Variants in PPIG observed in about 807,000 individuals in gnomAD.
The protein encoded by PPIG is peptidylprolyl isomerase G, also known as peptidyl-prolyl cis-trans isomerase G.
Under a neutral mutation model 87.9 loss-of-function variants are expected in PPIG, and 26 were observed. The observed-to-expected ratio is 0.30, with a 90% confidence interval of 0.22 to 0.41. The LOEUF (loss-of-function observed/expected upper bound fraction) is 0.41, where lower values mean the gene tolerates loss of function less well. PPIG is among the 10% of genes least tolerant of loss of function. The probability of loss-of-function intolerance (pLI) is 1.00; values close to 1 mark genes in which losing one functional copy is unlikely to be tolerated. For missense variants in PPIG, 722 were observed against 879.4 expected (o/e 0.82, Z 2.26); for synonymous variants, 308 against 276.5 (o/e 1.11, Z -1.13).
At position 169,637,371 on chromosome 2, in the gene PPIG, A is replaced by G. The variant is rs1686210267; in HGVS notation, c.2113A>G (p.Met705Val). 6.2e-7 allele frequency: 1 copy of G among 1,612,142 alleles called. No individual in the cohort carries two copies. Among genetic ancestry groups the G allele is most frequent in the Admixed American group, 1.7e-5 (1 of 59,812 alleles). Residue 705 changes from methionine to valine, a missense_variant, in exon 14 of 14, where the codon ATG (methionine) becomes GTG (valine). Coordinates refer to ENST00000260970, the MANE Select transcript of PPIG (RefSeq NM_004792.3). Reference sequence around the variant, plus strand: ...TCAGGACAATGAATTAAAGTCCTCCATGTTGAAAAATAAGGAGGATGAGAA... The same window carrying G: ...TCAGGACAATGAATTAAAGTCCTCCGTGTTGAAAAATAAGGAGGATGAGAA... Reference protein sequence around the residue: ...SSQDNELKSSMLKNKEDEKIR... With the variant: ...SSQDNELKSSVLKNKEDEKIR...
intron 1 of PPIG, chr2:169,584,762 C>G: frequency 3.2e-6 from 1 of 311,372 alleles, no homozygotes; most frequent in Non-Finnish European, 6.2e-6. Context: ...CCGCCCTCCC[C>G]ACTCAGGCGC....
chr2:169,616,341 A>G (rs748595243), intron 9 of PPIG, among the ~76,000 whole-genome samples: 4 of 152,184 alleles, frequency 2.6e-5, no homozygotes, highest in African/African-American at 4.8e-5. Context: ...AGAATGATTT[A>G]TAATCTTTTG....
chr2:169,592,952 A>G (rs981370689), intron 1 of PPIG, among the ~76,000 whole-genome samples: 3 of 152,078 alleles, frequency 2.0e-5, no homozygotes, highest in Non-Finnish European at 4.4e-5. Context: ...TTGTGTAGTA[A>G]TTTTAATAGT....
chr2:169,605,894 G>T, intron 4 of PPIG, 145 bp from the exon 5 acceptor site: 4 of 615,770 alleles, frequency 6.5e-6, no homozygotes, highest in South Asian at 2.1e-5. Context: ...TTTTTTAAAT[G>T]AATTTTTAAA....
intron 5 of PPIG, among the ~76,000 whole-genome samples, chr2:169,606,435 T>C (rs1190304697): frequency 6.6e-6 from 1 of 151,554 alleles, no homozygotes; most frequent in Non-Finnish European, 1.5e-5. Context: ...CTACTAAAAA[T>C]AGAAAAATTT....
intron 9 of PPIG, among the ~76,000 whole-genome samples, chr2:169,628,850 A>G (rs1158842114): frequency 1.3e-5 from 2 of 150,998 alleles, no homozygotes; most frequent in African/African-American, 4.9e-5. Context: ...GGAGGCCGAG[A>G]CAGAAGTATC....
intron 13 of PPIG, 42 bp downstream of exon 13, chr2:169,636,270 T>C: frequency 6.4e-7 from 1 of 1,551,076 alleles, no homozygotes; most frequent in Non-Finnish European, 8.7e-7. Flanking sequence ...ATGATAAGTG[T>C]TTGCTTTTAC....
chr2:169,591,489 T>C (rs1684861572), intron 1 of PPIG, among the ~76,000 whole-genome samples: 1 of 152,108 alleles, frequency 6.6e-6, no homozygotes, highest in South Asian at 2.1e-4. Flanking sequence ...GTTTTAGAAT[T>C]TTGTGCATTT....
intron 7 of PPIG, among the ~76,000 whole-genome samples, chr2:169,611,566 C>T (rs1685488443): frequency 6.6e-6 from 1 of 152,132 alleles, no homozygotes; most frequent in Non-Finnish European, 1.5e-5. Flanking sequence ...ACTATTTACA[C>T]ATTTTTAAGC....
At chr2:169,603,397 A>G (rs1018836285) in intron 1 of PPIG, among the ~76,000 whole-genome samples, 3 of 152,160 alleles carry the variant, frequency 2.0e-5, no homozygotes, top group African/African-American at 7.2e-5. Flanking sequence ...CTATACCAGC[A>G]TATCAGTAAA....
At chr2:169,620,368 GT>G (rs911731743) in intron 9 of PPIG, among the ~76,000 whole-genome samples, 8 of 151,508 alleles carry the variant, frequency 5.3e-5, no homozygotes, top group Non-Finnish European at 1.0e-4. Context: ...TGGCAATTTT[GT>G]TTTTTTAACT....
rs574487908 is a variant in PPIG at position 169,620,978 on chromosome 2, A to T, written c.547+6254A>T. On this transcript the variant is annotated intron_variant, in intron 9 of 13. Transcript: ENST00000260970. ...TCATCTGTAATGCTTTCTGATTCTCACAGTAACTCTATAGTATTACATATC... is the reference window on the plus strand; with the variant it reads ...TCATCTGTAATGCTTTCTGATTCTCTCAGTAACTCTATAGTATTACATATC... 4.6e-5 allele frequency among the ~76,000 whole-genome samples: 7 copies of T among 152,266 alleles called. No individual in the cohort carries two copies. The South Asian group carries it at 1.2e-3, about 27-fold the overall frequency.
chr2:169,603,471 GTAAATC>G, intron 1 of PPIG, among the ~76,000 whole-genome samples, 165 bp from the exon 2 acceptor site: 5 of 150,990 alleles, frequency 3.3e-5, no homozygotes, highest in African/African-American at 1.2e-4. Flanking sequence ...TACTCAAAAT[GTAAATC>G]TACCACATAT....
At chr2:169,632,110 T>G (rs1034025956) in intron 11 of PPIG, among the ~76,000 whole-genome samples, 177 bp downstream of exon 11, 1 of 152,208 alleles carries the variant, frequency 6.6e-6, no homozygotes, top group African/African-American at 2.4e-5. Context: ...AAAGGGAAAT[T>G]GACTTAAATT....
intron 1 of PPIG, among the ~76,000 whole-genome samples, chr2:169,596,456 C>A (rs1303701263): frequency 6.6e-6 from 1 of 152,100 alleles, no homozygotes; most frequent in Non-Finnish European, 1.5e-5. Flanking sequence ...GAAACTTTGG[C>A]CTTAGGGAAA....
chr2:169,633,985 T>C (rs964496886), intron 12 of PPIG, among the ~76,000 whole-genome samples: 6 of 151,860 alleles, frequency 4.0e-5, no homozygotes, highest in South Asian at 2.1e-4. Context: ...CATGCCACCA[T>C]GCCCGGCTAA....
intron 1 of PPIG, among the ~76,000 whole-genome samples, chr2:169,602,717 A>G (rs1685218642): frequency 6.6e-6 from 1 of 152,228 alleles, no homozygotes; most frequent in Non-Finnish European, 1.5e-5. Context: ...CTTAAAATCC[A>G]TGCTAAAACT....
At position 169,630,998 on chromosome 2, in the gene PPIG, T is replaced by C. The variant is rs1342763116; in HGVS notation, c.761+11T>C. 6.4e-7 allele frequency: 1 copy of C among 1,565,054 alleles called. No individual in the cohort carries two copies. Among genetic ancestry groups the C allele is most frequent in the Non-Finnish European group, 8.6e-7 (1 of 1,158,346 alleles). ...GAAAAGCAAGAAGAGGTCTTAATTTTACTTTTCTAATGCTAGCTTTATATT... is the reference window on the plus strand; with the variant it reads ...GAAAAGCAAGAAGAGGTCTTAATTTCACTTTTCTAATGCTAGCTTTATATT... On this transcript the variant is annotated intron_variant, in intron 10 of 13. Transcript: ENST00000260970.
chr2:169,587,593 C>T (rs1032537758), intron 1 of PPIG, among the ~76,000 whole-genome samples: 3 of 152,064 alleles, frequency 2.0e-5, no homozygotes, highest in Admixed American at 6.6e-5. Flanking sequence ...GCTTAAGTGT[C>T]GGTGATTTTC....
Sources: gnomAD v4.1 joint callset for allele counts (sites outside exome capture counted in the v4.1 genomes callset) on GRCh38, gnomAD v4.1.1 for gene constraint, MANE v1.5 for transcripts, NCBI Gene and HGNC (gene_info 2026-07-23, HGNC 2026-07-21) for gene names.